Variants in SHISA9 observed in about 807,000 individuals in gnomAD.
SHISA9 encodes the protein protein shisa-9.
In SHISA9, 13 loss-of-function variants were observed where a neutral mutation model predicts 38.0. The ratio of observed to expected loss-of-function variants is 0.34; its 90% confidence interval spans 0.22 to 0.54. SHISA9 has a LOEUF of 0.54. Among genes scored for constraint, SHISA9 ranks in the 20% least tolerant of loss-of-function variants. The pLI, the probability that SHISA9 is intolerant of heterozygous loss-of-function variation, is 0.91. For missense variants in SHISA9, 538 were observed against 575.8 expected, an observed-to-expected ratio of 0.93 and a Z score of 0.67; for synonymous variants, 275 against 242.0, an observed-to-expected ratio of 1.14 and a Z score of -1.27.
intron 2 of SHISA9, among the ~76,000 whole-genome samples, chr16:13,051,691 T>C (rs2073252985): frequency 6.6e-6 from 1 of 152,196 alleles, no homozygotes; most frequent in Admixed American, 6.5e-5. Flanking sequence ...TTTCCAGAGT[T>C]TCAAGACTAC....
chr16:13,201,002 T>C (rs1168847457), intron 2 of SHISA9, among the ~76,000 whole-genome samples: 1 of 134,142 alleles, frequency 7.5e-6, no homozygotes, highest in Non-Finnish European at 1.6e-5. Context: ...TTTGAGGGAG[T>C]GTTCTTCAGG....
chr16:13,335,746 CA>C, the SHISA9 span, among the ~76,000 whole-genome samples: 3 of 151,422 alleles, frequency 2.0e-5, no homozygotes, highest in African/African-American at 7.3e-5. Context: ...TGAGGGTGGC[CA>C]AGACCATTTT....
At chr16:13,472,936 C>A in the SHISA9 span, among the ~76,000 whole-genome samples, 1 of 152,172 alleles carries the variant, frequency 6.6e-6, no homozygotes, top group Non-Finnish European at 1.5e-5. Context: ...AATGTCCTTG[C>A]ATGTTAATTC....
At chr16:13,557,975 C>T in the SHISA9 span, among the ~76,000 whole-genome samples, 3 of 152,180 alleles carry the variant, frequency 2.0e-5, no homozygotes, top group African/African-American at 7.2e-5. Flanking sequence ...GGCTTCCGAT[C>T]ACCTGATACT....
the SHISA9 span, among the ~76,000 whole-genome samples, chr16:13,246,615 CTCT>C: frequency 2.8e-4 from 43 of 152,206 alleles, no homozygotes; most frequent in Non-Finnish European, 5.6e-4. Flanking sequence ...CTTCATTCTT[CTCT>C]TCTTGCTGGG....
intron 2 of SHISA9, among the ~76,000 whole-genome samples, chr16:13,032,841 T>C (rs938716377): frequency 6.8e-6 from 1 of 147,852 alleles, no homozygotes; most frequent in Non-Finnish European, 1.5e-5. Context: ...AGGGAAGTCA[T>C]AGTTTTGACC....
chr16:13,291,594 T>C, the SHISA9 span, among the ~76,000 whole-genome samples: 1 of 152,208 alleles, frequency 6.6e-6, no homozygotes, highest in African/African-American at 2.4e-5. Context: ...AGCATGTGTA[T>C]GTAGAGCATG....
chr16:12,942,659 A>G (rs912768967), intron 2 of SHISA9, among the ~76,000 whole-genome samples: 1 of 152,234 alleles, frequency 6.6e-6, no homozygotes, highest in African/African-American at 2.4e-5. Flanking sequence ...TTCTCACTTC[A>G]TGCTTAATGA....
chr16:13,268,216 T>C, the SHISA9 span, among the ~76,000 whole-genome samples: 4 of 152,148 alleles, frequency 2.6e-5, no homozygotes, highest in African/African-American at 9.7e-5. Flanking sequence ...AAACCATGCC[T>C]TATGTTGAAT....
At chr16:13,543,649 G>T in the SHISA9 span, among the ~76,000 whole-genome samples, 6 of 152,066 alleles carry the variant, frequency 3.9e-5, no homozygotes, top group East Asian at 1.2e-3. Flanking sequence ...CACAGAGTCC[G>T]TGACACCAGG....
At chr16:13,386,367 A>G in the SHISA9 span, among the ~76,000 whole-genome samples, 3 of 152,208 alleles carry the variant, frequency 2.0e-5, no homozygotes, top group Non-Finnish European at 4.4e-5. Flanking sequence ...GTGTCCACTT[A>G]CTTTAATGCG....
At chr16:13,186,240 T>C (rs1248918974) in intron 2 of SHISA9, among the ~76,000 whole-genome samples, 3 of 151,716 alleles carry the variant, frequency 2.0e-5, no homozygotes, top group South Asian at 2.1e-4. Context: ...TGTGTGTGTA[T>C]GTGTGAAATT....
At chr16:13,557,804 A>G in the SHISA9 span, among the ~76,000 whole-genome samples, 1 of 152,128 alleles carries the variant, frequency 6.6e-6, no homozygotes, top group Admixed American at 6.5e-5. Context: ...TCGCCATCTC[A>G]TCAATCTCAT....
chr16:13,379,290 C>T, the SHISA9 span, among the ~76,000 whole-genome samples: 1 of 152,206 alleles, frequency 6.6e-6, no homozygotes, highest in Non-Finnish European at 1.5e-5. Context: ...GAAAGGAGAA[C>T]AAAGTTTTCA....
intron 2 of SHISA9, among the ~76,000 whole-genome samples, chr16:13,089,483 G>A (rs990859027): frequency 2.0e-5 from 3 of 152,178 alleles, no homozygotes; most frequent in African/African-American, 7.2e-5. Context: ...TACAGAGCCT[G>A]TTATTGGTCT....
At chr16:13,011,014 C>T (rs1426252446) in intron 2 of SHISA9, among the ~76,000 whole-genome samples, 4 of 152,136 alleles carry the variant, frequency 2.6e-5, no homozygotes, top group Non-Finnish European at 5.9e-5. Context: ...GATCCTTCCT[C>T]TCCGATATTC....
intron 2 of SHISA9, among the ~76,000 whole-genome samples, chr16:13,055,107 C>T (rs4781390): frequency 6.6e-6 from 1 of 152,026 alleles, no homozygotes; most frequent in African/African-American, 2.4e-5. Flanking sequence ...AATAATAGCT[C>T]ACACTCTTAG....
the SHISA9 span, among the ~76,000 whole-genome samples, chr16:13,279,377 G>A: frequency 2.0e-5 from 3 of 151,878 alleles, no homozygotes; most frequent in Non-Finnish European, 4.4e-5. Context: ...GGTTGATGGA[G>A]GAAATGTTCT....
rs1261881630 is a variant in SHISA9 at position 13,064,665 on chromosome 16, AAG to A, written c.692-138725_692-138724del. Among the ~76,000 whole-genome samples the A allele has an allele frequency of 2.0e-5, 3 of 152,202 alleles. No individual in the cohort carries two copies. In the East Asian group the frequency reaches 5.8e-4, roughly 29 times the overall value. On this transcript the variant is annotated intron_variant, in intron 2 of 4. Transcript: ENST00000558583. ...CATTACAAATCTACCCAGAAAACAA[AAG>A]AGACTCTCCTAAAAATATTAAAAGA...
Sources: allele counts gnomAD v4.1 joint callset (sites outside exome capture counted in the v4.1 genomes callset), GRCh38; gene constraint gnomAD v4.1.1; transcripts MANE v1.5; gene names NCBI Gene and HGNC (gene_info 2026-07-23, HGNC 2026-07-21).